The following CHCHD4 variants were observed in gnomAD, a reference collection of about 807,000 sequenced individuals.
The protein encoded by CHCHD4 is coiled-coil-helix-coiled-coil-helix domain containing 4, also known as mitochondrial intermembrane space import and assembly protein 40.
A neutral mutation model predicts 12.4 loss-of-function variants in CHCHD4; 7 were observed. The observed-to-expected ratio is 0.57, with a 90% CI of 0.32 to 1.06. The LOEUF is 1.06. Ranked by LOEUF, CHCHD4 falls within the 50% of genes least tolerant of loss-of-function variation. CHCHD4 has a pLI of 0.04. For missense variants in CHCHD4, 143 were observed against 175.1 expected, an observed-to-expected ratio of 0.82 and a Z score of 1.03; for synonymous variants, 56 against 58.0, an observed-to-expected ratio of 0.97 and a Z score of 0.16.
At chr3:14,122,188 C>A in intron 1 of CHCHD4, 1 of 1,445,506 alleles carries the variant, frequency 6.9e-7, no homozygotes, top group Non-Finnish European at 9.1e-7. Context: ...TGTCTGAAGC[C>A]TCAGGAAGCC....
intron 1 of CHCHD4, among the ~76,000 whole-genome samples, chr3:14,118,953 A>G (rs1694904828): frequency 6.6e-6 from 1 of 152,216 alleles, no homozygotes; most frequent in African/African-American, 2.4e-5. Context: ...GTAAAGTATG[A>G]GGCCCTCCTG....
intron 1 of CHCHD4, among the ~76,000 whole-genome samples, chr3:14,120,597 G>A (rs920743962): frequency 1.3e-5 from 2 of 152,018 alleles, no homozygotes; most frequent in South Asian, 2.1e-4. Flanking sequence ...AGTGCTTTTC[G>A]TCACCCAACA....
chr3:14,112,983 A>G lies in CHCHD4; in HGVS notation c.333T>C (p.Asp111=). Residue 111 remains aspartate, a synonymous_variant, in exon 3 of 3, where the codon GAT becomes GAC. Transcript: ENST00000396914. Reference sequence around the variant, plus strand: ...GCTTCTTCTCTCTTTCCTCTTCCTCATCCTCATCCTCTTGGGGATAGAGGT... The same window carrying G: ...GCTTCTTCTCTCTTTCCTCTTCCTCGTCCTCATCCTCTTGGGGATAGAGGT... The part of the protein sequence containing the change: ...YPDLYPQEDE[D]EEEEREKKPA... 6.2e-7 allele frequency: 1 copy of G among 1,612,934 alleles called. No homozygotes were observed. Among genetic ancestry groups the G allele is most frequent in the Non-Finnish European group, 8.5e-7 (1 of 1,179,536 alleles).
Position 14,112,426 on chromosome 3 carries a change from A to C in CHCHD4, c.*461T>G, listed in dbSNP as rs1302407703. 1.3e-5 allele frequency: 2 copies of C among 156,640 alleles called. No homozygotes were observed. Among genetic ancestry groups the C allele is most frequent in the Non-Finnish European group, 2.8e-5 (2 of 70,794 alleles). The allele number at this position is 156,640 out of a possible 1,614,324, so 9.7% of individuals were successfully genotyped here. A position where few individuals can be genotyped will look rare whatever the true frequency, so the allele number is the denominator to read the frequency against. On this transcript the variant is annotated 3_prime_UTR_variant, in exon 3 of 3. Transcript: ENST00000396914. Reference sequence around the variant, plus strand: ...AGGTCAAGATGGGTTTGCAGAAATCATATCTGACCATCTGGCCTCTGCTAG... The same window carrying C: ...AGGTCAAGATGGGTTTGCAGAAATCCTATCTGACCATCTGGCCTCTGCTAG...
chr3:14,123,044 G>C (rs1336021612), intron 1 of CHCHD4, among the ~76,000 whole-genome samples: 1 of 151,754 alleles, frequency 6.6e-6, no homozygotes, highest in Non-Finnish European at 1.5e-5. Flanking sequence ...TCAGTGGGGG[G>C]CGGAGGGGGG....
intron 1 of CHCHD4, among the ~76,000 whole-genome samples, chr3:14,120,789 G>C (rs772583633): frequency 2.6e-5 from 4 of 152,190 alleles, no homozygotes; most frequent in Admixed American, 2.6e-4. Flanking sequence ...AGGGCTTGAA[G>C]ACCCAAGTGT....
chr3:14,122,938 C>G (rs953692900), intron 1 of CHCHD4, among the ~76,000 whole-genome samples: 4 of 150,818 alleles, frequency 2.7e-5, no homozygotes, highest in Non-Finnish European at 5.9e-5. Flanking sequence ...GGGAAGAGAC[C>G]AGGCTGGAAA....
chr3:14,119,726 G>A (rs1315468854), intron 1 of CHCHD4, among the ~76,000 whole-genome samples: 1 of 152,222 alleles, frequency 6.6e-6, no homozygotes, highest in Non-Finnish European at 1.5e-5. Context: ...CTGGTGCACA[G>A]TGGCTTCAAT....
chr3:14,120,489 T>A (rs1694921893), intron 1 of CHCHD4, among the ~76,000 whole-genome samples: 1 of 152,138 alleles, frequency 6.6e-6, no homozygotes, highest in Non-Finnish European at 1.5e-5. Context: ...TTCCCTCAGG[T>A]ACCCTCACAG....
intron 1 of CHCHD4, among the ~76,000 whole-genome samples, chr3:14,119,633 C>T (rs770746002): frequency 1.3e-5 from 2 of 152,194 alleles, no homozygotes; most frequent in Non-Finnish European, 2.9e-5. Flanking sequence ...TTTAAAAGTG[C>T]TTGTGTTTTT....
chr3:14,123,603 G>A (rs1694964456), intron 1 of CHCHD4, among the ~76,000 whole-genome samples: 1 of 152,122 alleles, frequency 6.6e-6, no homozygotes, highest in Admixed American at 6.5e-5. Flanking sequence ...ATTAACTGAC[G>A]GAGCTGGAGT....
At chr3:14,114,863 C>G (rs2607746) in intron 2 of CHCHD4, among the ~76,000 whole-genome samples, 14,931 of 152,260 alleles carry the variant, frequency 0.098, 875 homozygotes, top group Non-Finnish European at 0.12. Context: ...TGTTGTCAAA[C>G]ATGCAGTCTA....
intron 1 of CHCHD4, among the ~76,000 whole-genome samples, chr3:14,122,667 C>G (rs1211228129): frequency 6.6e-6 from 1 of 152,208 alleles, no homozygotes; most frequent in Non-Finnish European, 1.5e-5. Flanking sequence ...CCATTGTACA[C>G]CAAGCCCTGT....
At chr3:14,121,817 A>G in intron 1 of CHCHD4, 8 of 1,594,736 alleles carry the variant, frequency 5.0e-6, no homozygotes, top group South Asian at 3.4e-5. Context: ...GAAAGATACA[A>G]CTCCCCCATA....
Position 14,114,916 on chromosome 3 carries a change from C to T in CHCHD4, c.121+1510G>A, listed in dbSNP as rs564819907. 3.5e-4 allele frequency among the ~76,000 whole-genome samples: 53 copies of T among 152,310 alleles called. 1 individual carries two copies. In the South Asian group the frequency reaches 9.3e-3, roughly 27 times the overall value. ...CTCTGGCTGAGTCAGTCTCCGCCCC[C>T]GCCCAGGCCCCCAGTTTTCTCATTG... is the stretch of plus-strand genomic sequence containing the variant. On this transcript the variant is annotated intron_variant, in intron 2 of 2. Coordinates refer to ENST00000396914, the MANE Select transcript of CHCHD4 (RefSeq NM_001098502.2).
chr3:14,120,156 G>A (rs929329950), intron 1 of CHCHD4, among the ~76,000 whole-genome samples: 1 of 152,116 alleles, frequency 6.6e-6, no homozygotes, highest in Non-Finnish European at 1.5e-5. Context: ...GTTACTCTGA[G>A]TGCAGGACTT....
chr3:14,118,133 G>C (rs1694895510), intron 1 of CHCHD4, among the ~76,000 whole-genome samples: 1 of 152,160 alleles, frequency 6.6e-6, no homozygotes, highest in African/African-American at 2.4e-5. Flanking sequence ...GAAGATCTGG[G>C]GTACTGGGAC....
chr3:14,112,134 T>G lies in CHCHD4; in HGVS notation c.*753A>C, dbSNP rs1694828563. The stretch of plus-strand genomic sequence containing the variant: ...TACTTAATTCACAACGTTTCCTCTC[T>G]TGCTGCTACTCTGGTAATAATTAGG... On this transcript the variant is annotated 3_prime_UTR_variant, in exon 3 of 3. Coordinates refer to ENST00000396914, the MANE Select transcript of CHCHD4 (RefSeq NM_001098502.2). 6.6e-6 allele frequency: 1 copy of G among 152,238 alleles called. No individual in the cohort carries two copies. Among genetic ancestry groups the G allele is most frequent in the African/African-American group, 2.4e-5 (1 of 41,456 alleles). The allele number at this position is 152,238 out of a possible 1,614,324, so 9.4% of individuals were successfully genotyped here.
intron 2 of CHCHD4, among the ~76,000 whole-genome samples, chr3:14,113,642 C>G (rs1434735354): frequency 6.6e-6 from 1 of 152,108 alleles, no homozygotes; most frequent in Non-Finnish European, 1.5e-5. Flanking sequence ...CTGAGCCCCT[C>G]TTGCCCTGCA....
Sources: gnomAD v4.1 joint callset for allele counts (sites outside exome capture counted in the v4.1 genomes callset) on GRCh38, gnomAD v4.1.1 for gene constraint, MANE v1.5 for transcripts, NCBI Gene and HGNC (gene_info 2026-07-23, HGNC 2026-07-21) for gene names.